Variants in STPG2 observed in about 807,000 individuals in gnomAD.
STPG2 encodes sperm-tail PG-rich repeat-containing protein 2.
In STPG2, 56 loss-of-function variants were observed where a neutral mutation model predicts 54.2. That is an observed-to-expected ratio of 1.03 (90% confidence interval 0.83 to 1.29). The LOEUF is 1.29. Ranked by LOEUF, STPG2 falls within the 50% of genes most tolerant of loss-of-function variation. The probability of loss-of-function intolerance (pLI) is 0.00; values close to 1 mark genes in which losing one functional copy is unlikely to be tolerated. For synonymous variants in STPG2, 200 were observed against 181.8 expected, an observed-to-expected ratio of 1.10 and a Z score of -0.81; for missense variants, 596 against 544.9, an observed-to-expected ratio of 1.09 and a Z score of -0.93.
At chr4:97,933,284 T>A (rs1732620081) in intron 8 of STPG2, among the ~76,000 whole-genome samples, 1 of 152,152 alleles carries the variant, frequency 6.6e-6, no homozygotes, top group South Asian at 2.1e-4. Context: ...GGCGGGTAGA[T>A]CAAAAAAATT....
intron 8 of STPG2, among the ~76,000 whole-genome samples, chr4:97,871,509 A>G (rs1479271656): frequency 4.0e-5 from 6 of 151,152 alleles, no homozygotes; most frequent in Non-Finnish European, 8.9e-5. Context: ...AAGTCATACT[A>G]GTCTACTTTT....
chr4:97,987,246 G>T (rs963220909), intron 5 of STPG2, among the ~76,000 whole-genome samples: 14 of 151,956 alleles, frequency 9.2e-5, no homozygotes, highest in African/African-American at 3.4e-4. Flanking sequence ...ATAAAGCTCA[G>T]AAAAAATTAT....
intron 10 of STPG2, among the ~76,000 whole-genome samples, chr4:97,643,835 A>G (rs919057356): frequency 2.0e-5 from 3 of 151,760 alleles, no homozygotes; most frequent in Non-Finnish European, 3.0e-5. Flanking sequence ...ATTTTGGTAA[A>G]ATTCACCTTA....
intron 9 of STPG2, among the ~76,000 whole-genome samples, chr4:97,751,086 C>A (rs1725568741): frequency 6.6e-6 from 1 of 151,742 alleles, no homozygotes; most frequent in Admixed American, 6.6e-5. Context: ...ATGTGATTGA[C>A]CCCAAATAAA....
At chr4:97,505,453 G>C (rs1730823883) in intron 4 of STPG2, among the ~76,000 whole-genome samples, 1 of 151,778 alleles carries the variant, frequency 6.6e-6, no homozygotes, top group Non-Finnish European at 1.5e-5. Context: ...TTAATAGAGA[G>C]AAAAGAGAAG....
chr4:97,505,289 C>T (rs925934326), intron 4 of STPG2, among the ~76,000 whole-genome samples: 3 of 151,798 alleles, frequency 2.0e-5, no homozygotes, highest in African/African-American at 7.3e-5. Flanking sequence ...ATCATGAGTA[C>T]CCTCAGGTGA....
At chr4:98,021,916 C>A (rs1736217532) in intron 5 of STPG2, among the ~76,000 whole-genome samples, 1 of 151,988 alleles carries the variant, frequency 6.6e-6, no homozygotes, top group Non-Finnish European at 1.5e-5. Context: ...TGTGTCTCTG[C>A]ACCTGAGATG....
At chr4:97,662,326 A>T (rs868382558) in intron 10 of STPG2, among the ~76,000 whole-genome samples, 11 of 152,288 alleles carry the variant, frequency 7.2e-5, no homozygotes, top group Middle Eastern at 3.4e-3. Flanking sequence ...AACTACAATA[A>T]GATACCATCT....
At chr4:97,596,571 A>T (rs997361277) in intron 10 of STPG2, among the ~76,000 whole-genome samples, 1 of 152,158 alleles carries the variant, frequency 6.6e-6, no homozygotes, top group Non-Finnish European at 1.5e-5. Flanking sequence ...ACACTCTCAG[A>T]TCATAACACA....
At chr4:98,019,101 T>C (rs1736079981) in intron 5 of STPG2, among the ~76,000 whole-genome samples, 1 of 152,310 alleles carries the variant, frequency 6.6e-6, no homozygotes, top group Middle Eastern at 3.4e-3. Context: ...CCCATGCCGA[T>C]GTCCTGAATG....
chr4:97,673,673 ATTT>A (rs34393242), intron 10 of STPG2, among the ~76,000 whole-genome samples: 1 of 149,908 alleles, frequency 6.7e-6, no homozygotes, highest in Admixed American at 6.6e-5. Context: ...ACGGCTTTAT[ATTT>A]TTTTTTTTCC....
intron 4 of STPG2, among the ~76,000 whole-genome samples, chr4:97,447,824 C>T (rs780265062): frequency 6.6e-6 from 1 of 152,190 alleles, no homozygotes; most frequent in Non-Finnish European, 1.5e-5. Context: ...GGAGCCCCCT[C>T]ACAGAGTCCC....
At position 97,665,758 on chromosome 4, in the gene STPG2, C is replaced by T. The variant is rs150137395; in HGVS notation, c.1320+46941G>A. On this transcript the variant is annotated intron_variant, in intron 10 of 10. Transcript: ENST00000295268. ...GTACCTGCAGACCAGCACCAAGCTG[C>T]CCTCAGCACTCCGTCAGCTTCCCTC... is the stretch of plus-strand genomic sequence containing the variant. Among the ~76,000 whole-genome samples the T allele has an allele frequency of 1.6e-3, 236 of 152,226 alleles. 1 individual carries two copies. Among genetic ancestry groups the T allele is most frequent in the African/African-American group, 5.4e-3 (226 of 41,534 alleles).
intron 5 of STPG2, among the ~76,000 whole-genome samples, chr4:98,051,422 T>C (rs1025402261): frequency 2.6e-5 from 4 of 152,022 alleles, no homozygotes; most frequent in African/African-American, 9.7e-5. Flanking sequence ...CATTGGGAAA[T>C]GGGGCTTTAG....
chr4:98,044,365 T>A (rs1737062119), intron 5 of STPG2, among the ~76,000 whole-genome samples: 1 of 152,202 alleles, frequency 6.6e-6, no homozygotes, highest in Non-Finnish European at 1.5e-5. Context: ...GTCACAACAG[T>A]GACAGAAATT....
At chr4:97,805,033 G>GCAAC (rs1485789535) in intron 9 of STPG2, among the ~76,000 whole-genome samples, 1 of 152,026 alleles carries the variant, frequency 6.6e-6, no homozygotes, top group Non-Finnish European at 1.5e-5. Flanking sequence ...ATTTCTCAGA[G>GCAAC]CATATTTCCA....
chr4:97,462,712 A>G (rs1729694314), intron 4 of STPG2, among the ~76,000 whole-genome samples: 1 of 152,048 alleles, frequency 6.6e-6, no homozygotes, highest in Non-Finnish European at 1.5e-5. Context: ...ATAGCTATAA[A>G]TTTTAATTTA....
intron 10 of STPG2, among the ~76,000 whole-genome samples, chr4:97,627,062 C>A (rs1016927942): frequency 3.9e-5 from 6 of 152,104 alleles, no homozygotes; most frequent in Non-Finnish European, 8.8e-5. Flanking sequence ...AATCCAACAT[C>A]TACCAATATT....
intron 4 of STPG2, among the ~76,000 whole-genome samples, chr4:97,473,056 CT>C (rs1729978350): frequency 6.6e-6 from 1 of 152,250 alleles, no homozygotes; most frequent in Admixed American, 6.5e-5. Flanking sequence ...TTACTTTAAT[CT>C]CTTAATCCTG....
Sources: allele counts gnomAD v4.1 joint callset (sites outside exome capture counted in the v4.1 genomes callset), GRCh38; gene constraint gnomAD v4.1.1; transcripts MANE v1.5; gene names NCBI Gene and HGNC (gene_info 2026-07-23, HGNC 2026-07-21).